The following TENM1 variants were observed in gnomAD, a reference collection of about 807,000 sequenced individuals.
The protein encoded by TENM1 is teneurin-1.
Under a neutral mutation model 174.8 loss-of-function variants are expected in TENM1, and 35 were observed. The ratio of observed to expected loss-of-function variants is 0.20; its 90% CI spans 0.15 to 0.27. The LOEUF (loss-of-function observed/expected upper bound fraction) is 0.27, where lower values mean the gene tolerates loss of function less well. TENM1 is among the 10% of genes least tolerant of loss of function. TENM1 has a pLI of 1.00. For missense variants in TENM1, 1,633 were observed against 2,130.1 expected (o/e 0.77, Z 4.59); for synonymous variants, 781 against 798.7 (o/e 0.98, Z 0.37).
intron 23 of TENM1, among the ~76,000 whole-genome samples, chrX:124,433,118 C>T (rs1316379843): frequency 2.7e-5 from 3 of 111,949 alleles, no homozygotes; most frequent in Non-Finnish European, 5.6e-5. Context: ...CTCTTGCTTA[C>T]ATCACTGTCA....
chrX:124,664,991 T>C (rs1376834465), intron 6 of TENM1, among the ~76,000 whole-genome samples: 1 of 111,521 alleles, frequency 9.0e-6, no homozygotes, highest in African/African-American at 3.3e-5. Flanking sequence ...CTATTGTCTA[T>C]TGCGCAAGGC....
chrX:124,683,835 C>A (rs1375982989), intron 5 of TENM1, among the ~76,000 whole-genome samples: 1 of 111,643 alleles, frequency 9.0e-6, no homozygotes, highest in Admixed American at 9.5e-5. Context: ...TTTCATATCA[C>A]CCCTGAAAAG....
chrX:125,096,337 T>C, the TENM1 span, among the ~76,000 whole-genome samples: 1 of 112,301 alleles, frequency 8.9e-6, no homozygotes, highest in Non-Finnish European at 1.9e-5. Context: ...AGGTCAGTTT[T>C]ATATGAATCC....
chrX:124,440,979 G>A (rs1339475794), intron 23 of TENM1, among the ~76,000 whole-genome samples: 1 of 111,971 alleles, frequency 8.9e-6, no homozygotes, highest in East Asian at 2.8e-4. Context: ...AATGCCATAT[G>A]GTCTCTTTTT....
intron 1 of TENM1, among the ~76,000 whole-genome samples, chrX:124,918,324 C>T (rs914212937): frequency 3.6e-5 from 4 of 110,062 alleles, no homozygotes; most frequent in South Asian, 7.9e-4. Context: ...GGACTACAGG[C>T]GCGTGCCACC....
At chrX:124,655,981 T>C (rs2051432078) in intron 6 of TENM1, among the ~76,000 whole-genome samples, 1 of 112,262 alleles carries the variant, frequency 8.9e-6, no homozygotes, top group Non-Finnish European at 1.9e-5. Flanking sequence ...CATGTTTATG[T>C]GGCACTTCTG....
chrX:124,713,519 C>T (rs769630336), intron 4 of TENM1, among the ~76,000 whole-genome samples: 5 of 112,124 alleles, frequency 4.5e-5, no homozygotes, highest in Middle Eastern at 4.7e-3. Flanking sequence ...CTGCCTGCTT[C>T]GGCCTCCCAA....
At chrX:124,438,176 C>A (rs1468645946) in intron 23 of TENM1, among the ~76,000 whole-genome samples, 1 of 111,429 alleles carries the variant, frequency 9.0e-6, no homozygotes, top group African/African-American at 3.3e-5. Context: ...GATCTGCTTG[C>A]CTCGGCCTCC....
At chrX:124,929,766 T>C (rs1410451403) in intron 1 of TENM1, among the ~76,000 whole-genome samples, 1 of 112,129 alleles carries the variant, frequency 8.9e-6, no homozygotes, top group African/African-American at 3.2e-5. Flanking sequence ...AGAATTACTA[T>C]GGATTACAAA....
chrX:124,609,957 T>G (rs985526756), intron 11 of TENM1, among the ~76,000 whole-genome samples: 2 of 111,779 alleles, frequency 1.8e-5, no homozygotes, highest in Non-Finnish European at 3.8e-5. Context: ...GCAATAACGA[T>G]AATGCCTGTG....
At position 124,608,788 on chromosome X, in the gene TENM1, T is replaced by TC. The variant is rs1211508182; in HGVS notation, c.2077+33002_2077+33003insG. 1.5e-3 allele frequency among the ~76,000 whole-genome samples: 164 copies of TC among 109,998 alleles called. 1 individual carries two copies. Among genetic ancestry groups the TC allele is most frequent in the African/African-American group, 5.3e-3 (160 of 30,338 alleles). ...AGCACCAGGAAGAGTAAGCTTTTTT[T>TC]TTTTTTTTCATTTTAGGATGCTTTA... On this transcript the variant is annotated intron_variant, in intron 11 of 31. Coordinates refer to ENST00000422452, the Ensembl canonical transcript of TENM1.
At chrX:124,605,993 T>C (rs765747442) in intron 11 of TENM1, among the ~76,000 whole-genome samples, 1 of 111,880 alleles carries the variant, frequency 8.9e-6, no homozygotes, top group South Asian at 3.7e-4. Context: ...TTCCAAGCTT[T>C]CTAAATGAAG....
At chrX:124,896,281 T>G in intron 1 of TENM1, 40 bp from the exon 5 acceptor site, 1 of 1,168,976 alleles carries the variant, frequency 8.6e-7, no homozygotes, top group African/African-American at 1.8e-5. Flanking sequence ...TTTAGAAGTA[T>G]GAAGAAATCC....
the TENM1 span, among the ~76,000 whole-genome samples, chrX:124,971,450 A>G: frequency 1.8e-5 from 2 of 111,379 alleles, no homozygotes; most frequent in Non-Finnish European, 3.8e-5. Context: ...GCTTCTACAC[A>G]ATATCTGTAA....
intron 22 of TENM1, among the ~76,000 whole-genome samples, chrX:124,455,983 G>A (rs2061100767): frequency 9.0e-6 from 1 of 111,590 alleles, no homozygotes. Flanking sequence ...TCCCATCAGA[G>A]TGCAAAGTTT....
At chrX:124,430,427 C>A (rs972167606) in intron 23 of TENM1, among the ~76,000 whole-genome samples, 4 of 112,292 alleles carry the variant, frequency 3.6e-5, no homozygotes, top group African/African-American at 1.3e-4. Context: ...AATCAGTTAA[C>A]CTATCTGAGC....
At chrX:124,707,195 G>T (rs768333429) in intron 4 of TENM1, among the ~76,000 whole-genome samples, 104 of 111,137 alleles carry the variant, frequency 9.4e-4, no homozygotes, top group African/African-American at 3.3e-3. Flanking sequence ...TAGAGACGGG[G>T]TTTCACCATG....
chrX:124,978,482 A>AT, the TENM1 span, among the ~76,000 whole-genome samples: 2 of 111,025 alleles, frequency 1.8e-5, no homozygotes, highest in African/African-American at 6.6e-5. Flanking sequence ...CTGGATTCTG[A>AT]TTTTTTCTCC....
intron 10 of TENM1, among the ~76,000 whole-genome samples, chrX:124,643,501 G>A (rs752818175): frequency 2.9e-4 from 32 of 111,260 alleles, no homozygotes; most frequent in Non-Finnish European, 5.1e-4. Context: ...ATTTTCTAGT[G>A]TTTAGAGAAG....
Sources: gnomAD v4.1 joint callset for allele counts (sites outside exome capture counted in the v4.1 genomes callset) on GRCh38, gnomAD v4.1.1 for gene constraint, MANE v1.5 for transcripts, NCBI Gene and HGNC (gene_info 2026-07-23, HGNC 2026-07-21) for gene names.